DYM: variants seen among roughly 807,000 people sequenced by gnomAD.
The protein encoded by DYM is dyggve-Melchior-Clausen syndrome protein.
A neutral mutation model predicts 93.1 loss-of-function variants in DYM; 78 were observed. That is an observed-to-expected ratio of 0.84 (90% CI 0.70 to 1.01). The LOEUF (loss-of-function observed/expected upper bound fraction) is 1.01, where lower values mean the gene tolerates loss of function less well. Among genes scored for constraint, DYM ranks in the 50% least tolerant of loss-of-function variants. DYM has a pLI of 0.00. For synonymous variants in DYM, 321 were observed against 319.7 expected (o/e 1.00, Z -0.04); for missense variants, 789 against 845.0 (o/e 0.93, Z 0.82).
At chr18:49,067,217 GC>G (rs2076488554) in intron 17 of DYM, among the ~76,000 whole-genome samples, 7 of 107,466 alleles carry the variant, frequency 6.5e-5, no homozygotes, top group African/African-American at 1.1e-4. Context: ...TGAGCACTAT[GC>G]AGGTTCAGTA....
At chr18:49,312,982 T>A (rs566506772) in intron 8 of DYM, among the ~76,000 whole-genome samples, 1 of 152,168 alleles carries the variant, frequency 6.6e-6, no homozygotes, top group Admixed American at 6.5e-5. Flanking sequence ...GTTATGTACA[T>A]GCACTTGTAA....
At chr18:49,225,030 T>C (rs1160885958) in intron 13 of DYM, among the ~76,000 whole-genome samples, 1 of 152,132 alleles carries the variant, frequency 6.6e-6, no homozygotes, top group Non-Finnish European at 1.5e-5. Context: ...TTTGGCAATA[T>C]GGAGGTCACT....
At chr18:49,404,153 G>A (rs931829891) in intron 2 of DYM, among the ~76,000 whole-genome samples, 5 of 152,104 alleles carry the variant, frequency 3.3e-5, no homozygotes, top group Non-Finnish European at 4.4e-5. Flanking sequence ...GATTACAGGT[G>A]TATGCCACCA....
At chr18:49,334,381 A>G (rs1221528022) in intron 6 of DYM, among the ~76,000 whole-genome samples, 3 of 152,230 alleles carry the variant, frequency 2.0e-5, no homozygotes, top group Non-Finnish European at 4.4e-5. Flanking sequence ...TATTAACAGT[A>G]AACAAGTTAT....
chr18:49,193,859 T>A, intron 14 of DYM, among the ~76,000 whole-genome samples: 1 of 152,218 alleles, frequency 6.6e-6, no homozygotes. Context: ...TCAATATAAC[T>A]TAGATCATAT....
chr18:49,234,687 T>C (rs578179145), intron 13 of DYM, among the ~76,000 whole-genome samples: 1 of 152,278 alleles, frequency 6.6e-6, no homozygotes, highest in South Asian at 2.1e-4. Flanking sequence ...TGTGAACATG[T>C]TACATTACAG....
intron 15 of DYM, among the ~76,000 whole-genome samples, chr18:49,139,912 T>G (rs769577114): frequency 1.4e-4 from 21 of 152,200 alleles, no homozygotes; most frequent in Admixed American, 2.0e-4. Context: ...TTTTCTTTCT[T>G]TTTAAGAGTG....
intron 8 of DYM, among the ~76,000 whole-genome samples, chr18:49,328,749 G>C (rs982457616): frequency 6.6e-6 from 1 of 152,192 alleles, no homozygotes; most frequent in East Asian, 1.9e-4. Context: ...TCTCATACCA[G>C]TTAGAATGGC....
chr18:49,317,168 T>C (rs561051618), intron 8 of DYM, among the ~76,000 whole-genome samples: 120 of 152,206 alleles, frequency 7.9e-4, no homozygotes, highest in Non-Finnish European at 1.5e-3. Context: ...ATGAGGACTG[T>C]ATGTATTTTC....
At position 49,043,770 on chromosome 18, in the gene DYM, C is replaced by G. The variant is rs1003241716; in HGVS notation, c.*285G>C. 3 of 428,328 alleles carry G rather than the reference C, an allele frequency of 7.0e-6. No homozygotes were observed. Among genetic ancestry groups the G allele is most frequent in the African/African-American group, 6.0e-5 (3 of 49,884 alleles). 26.5% of individuals were successfully genotyped at this position (428,328 alleles called of 1,614,324 possible). On this transcript the variant is annotated 3_prime_UTR_variant, in exon 18 of 18. Coordinates refer to ENST00000675505, the MANE Select transcript of DYM (RefSeq NM_001353214.3). ...AAGGCAACAGGATCTTGGGAAAGCT[C>G]TAGATTTTTGGCTTCGAAATAAAAC...
At chr18:49,418,831 A>G (rs2073305449) in intron 2 of DYM, among the ~76,000 whole-genome samples, 1 of 152,146 alleles carries the variant, frequency 6.6e-6, no homozygotes, top group African/African-American at 2.4e-5. Flanking sequence ...AAGGTCAAAT[A>G]TCAAATACCA....
At chr18:49,325,010 C>T (rs1453400544) in intron 8 of DYM, among the ~76,000 whole-genome samples, 2 of 152,230 alleles carry the variant, frequency 1.3e-5, no homozygotes, top group South Asian at 4.1e-4. Context: ...GGCTCTAGAA[C>T]CCACCCTTAG....
chr18:49,184,478 A>C (rs2090240584), intron 14 of DYM, among the ~76,000 whole-genome samples: 1 of 152,206 alleles, frequency 6.6e-6, no homozygotes, highest in Admixed American at 6.5e-5. Context: ...CAGAGTTCAG[A>C]GATACTGCAG....
At chr18:49,335,433 G>A (rs563476979) in intron 6 of DYM, among the ~76,000 whole-genome samples, 1 of 152,224 alleles carries the variant, frequency 6.6e-6, no homozygotes, top group South Asian at 2.1e-4. Context: ...TCCAGCCTGG[G>A]CAACAGAGTG....
At chr18:49,362,170 C>CA (rs1343570769) in intron 6 of DYM, among the ~76,000 whole-genome samples, 2 of 151,556 alleles carry the variant, frequency 1.3e-5, no homozygotes, top group Non-Finnish European at 1.5e-5. Context: ...CTGGCCAATA[C>CA]TTTTTTTTAA....
chr18:49,091,887 A>G (rs1486266205), intron 17 of DYM, among the ~76,000 whole-genome samples: 3 of 152,096 alleles, frequency 2.0e-5, no homozygotes, highest in Non-Finnish European at 4.4e-5. Flanking sequence ...TGCTGGGATT[A>G]CAGGTGTGAG....
At chr18:49,211,371 A>C (rs769372476) in intron 13 of DYM, among the ~76,000 whole-genome samples, 17 of 152,342 alleles carry the variant, frequency 1.1e-4, no homozygotes, top group Non-Finnish European at 2.2e-4. Context: ...TAGAGAGAAG[A>C]GAATGTAAAA....
chr18:49,235,910 CAG>C lies in DYM; in HGVS notation c.1460+21098_1460+21099del, dbSNP rs369218641. Among the ~76,000 whole-genome samples, 60 of 152,172 alleles carry C rather than the reference CAG, an allele frequency of 3.9e-4. 1 individual carries two copies. The highest frequency in any genetic ancestry group is 1.3e-3 in the African/African-American group (56 of 41,522). Reference sequence around the variant, plus strand: ...TATTCTTTTCCTCTTCATAAGGAATCAGAGACTTCTGCAAACAAAACTTGTTT... The same window carrying C: ...TATTCTTTTCCTCTTCATAAGGAATCAGACTTCTGCAAACAAAACTTGTTT... On this transcript the variant is annotated intron_variant, in intron 13 of 17. Transcript: ENST00000675505.
chr18:49,127,724 C>T (rs894490524), intron 15 of DYM, among the ~76,000 whole-genome samples: 1 of 152,200 alleles, frequency 6.6e-6, no homozygotes, highest in Non-Finnish European at 1.5e-5. Context: ...CTGGTGCACA[C>T]ACTGGAAAGC....
Sources: allele counts gnomAD v4.1 joint callset (sites outside exome capture counted in the v4.1 genomes callset), GRCh38; gene constraint gnomAD v4.1.1; transcripts MANE v1.5; gene names NCBI Gene and HGNC (gene_info 2026-07-23, HGNC 2026-07-21).